The following CRACR2A variants were observed in gnomAD, a reference collection of about 807,000 sequenced individuals.
CRACR2A encodes the protein EF-hand calcium-binding domain-containing protein 4B.
A neutral mutation model predicts 90.5 loss-of-function variants in CRACR2A; 79 were observed. The ratio of observed to expected loss-of-function variants is 0.87; its 90% CI spans 0.73 to 1.05. The LOEUF is 1.05. Ranked by LOEUF, CRACR2A falls within the 50% of genes least tolerant of loss-of-function variation. The pLI, the probability that CRACR2A is intolerant of heterozygous loss-of-function variation, is 0.00. For missense variants in CRACR2A, 823 were observed against 897.2 expected, an observed-to-expected ratio of 0.92 and a Z score of 1.06; for synonymous variants, 338 against 356.7, an observed-to-expected ratio of 0.95 and a Z score of 0.59.
intron 10 of CRACR2A, 96 bp from the exon 11 acceptor site, chr12:3,648,709 G>A: frequency 8.7e-6 from 13 of 1,499,186 alleles, no homozygotes; most frequent in Non-Finnish European, 1.2e-5. Context: ...GCCGTGCTGG[G>A]GATGGAGGGC....
chr12:3,641,981 C>T (rs1042577095), intron 12 of CRACR2A, 143 bp from the exon 13 acceptor site: 15 of 678,764 alleles, frequency 2.2e-5, no homozygotes, highest in Admixed American at 1.9e-4. Context: ...TCCCTGTTAG[C>T]GTCTAGCCAC....
intron 15 of CRACR2A, among the ~76,000 whole-genome samples, chr12:3,630,747 G>A (rs1465437437): frequency 1.3e-5 from 2 of 152,346 alleles, no homozygotes; most frequent in African/African-American, 2.4e-5. Flanking sequence ...CAGGATGCCC[G>A]CAGGGCTCAA....
intron 2 of CRACR2A, among the ~76,000 whole-genome samples, chr12:3,723,900 G>C (rs7296466): frequency 3.0e-3 from 462 of 152,276 alleles, no homozygotes; most frequent in African/African-American, 9.9e-3. Flanking sequence ...ATAGAAGGAA[G>C]AGATCTCCTT....
intron 15 of CRACR2A, among the ~76,000 whole-genome samples, chr12:3,628,086 CCTCCCTCTCTCCTTCCCT>C (rs1457409115): frequency 8.3e-6 from 1 of 121,168 alleles, no homozygotes; most frequent in Non-Finnish European, 1.8e-5. Flanking sequence ...TCTCTCCTTC[CCTCCCTCTCTCCTTCCCT>C]CTCTCTTTCC....
At chr12:3,687,785 TG>T (rs1180601802) in intron 4 of CRACR2A, among the ~76,000 whole-genome samples, 1 of 152,242 alleles carries the variant, frequency 6.6e-6, no homozygotes, top group African/African-American at 2.4e-5. Flanking sequence ...CCACAATGGT[TG>T]AACGAATTTA....
chr12:3,629,856 G>A (rs1013674563), intron 15 of CRACR2A, among the ~76,000 whole-genome samples: 11 of 150,688 alleles, frequency 7.3e-5, no homozygotes, highest in East Asian at 4.0e-4. Flanking sequence ...CAAGGGGGGG[G>A]GGGGATGAAG....
At chr12:3,674,954 C>T (rs2137585961) in intron 6 of CRACR2A, among the ~76,000 whole-genome samples, 1 of 152,304 alleles carries the variant, frequency 6.6e-6, no homozygotes, top group Non-Finnish European at 1.5e-5. Flanking sequence ...CTCTGTTAAA[C>T]TTTGAGACTT....
chr12:3,752,387 GAC>G (rs571320253), intron 1 of CRACR2A: 20 of 104,456 alleles, frequency 1.9e-4, no homozygotes, highest in Non-Finnish European at 3.8e-4. Flanking sequence ...CACACACACG[GAC>G]ACACACACAC....
chr12:3,629,368 A>G (rs1442483146), intron 15 of CRACR2A, among the ~76,000 whole-genome samples: 1 of 152,146 alleles, frequency 6.6e-6, no homozygotes, highest in Non-Finnish European at 1.5e-5. Flanking sequence ...AACAGATTAC[A>G]GTGGCTGGGA....
chr12:3,653,189 G>T (rs1056433402), intron 10 of CRACR2A, among the ~76,000 whole-genome samples: 1 of 152,074 alleles, frequency 6.6e-6, no homozygotes, highest in Non-Finnish European at 1.5e-5. Context: ...CACCGTGTTG[G>T]TCAGGCTGGT....
chr12:3,655,752 G>T (rs1437377297), intron 9 of CRACR2A, among the ~76,000 whole-genome samples: 1 of 152,206 alleles, frequency 6.6e-6, no homozygotes, highest in Non-Finnish European at 1.5e-5. Flanking sequence ...GGAGGCTCGG[G>T]TACATCAGAG....
chr12:3,651,857 G>A (rs1474732863), intron 10 of CRACR2A, among the ~76,000 whole-genome samples: 1 of 152,154 alleles, frequency 6.6e-6, no homozygotes, highest in Admixed American at 6.5e-5. Context: ...TGTATGAAAT[G>A]AAGGAAGTGA....
intron 7 of CRACR2A, among the ~76,000 whole-genome samples, chr12:3,666,360 CGT>C (rs34013782): frequency 1.7e-4 from 14 of 81,138 alleles, no homozygotes; most frequent in African/African-American, 9.6e-4. Context: ...TGTGTGCGTG[CGT>C]GTGCGCGTGC....
rs1044717198 is a variant in CRACR2A, at chr12:3,638,418, T to A, written c.1308A>T (p.Pro436=). 1 of 1,547,592 alleles carries A rather than the reference T, an allele frequency of 6.5e-7. No homozygotes were observed. Among genetic ancestry groups the A allele is most frequent in the Non-Finnish European group, 8.7e-7 (1 of 1,143,876 alleles). The stretch of plus-strand genomic sequence containing the variant: ...CACTCAGGCCCAGGGAGCTTCTCCT[T>A]GGGATGCCAAACACCTCCTCCTCCT... ...SEEEEEVFGI[P]RRSSLGLSGY... Residue 436 remains proline, a synonymous_variant, in exon 14 of 20, where the codon CCA becomes CCT. Transcript: ENST00000440314.
chr12:3,642,812 G>C (rs961574355), intron 12 of CRACR2A, among the ~76,000 whole-genome samples: 1 of 152,176 alleles, frequency 6.6e-6, no homozygotes, highest in South Asian at 2.1e-4. Flanking sequence ...TGTCTTCCAG[G>C]AGATGAGGCG....
intron 5 of CRACR2A, among the ~76,000 whole-genome samples, chr12:3,679,626 A>G (rs1052054129): frequency 3.3e-5 from 5 of 152,242 alleles, no homozygotes; most frequent in African/African-American, 1.2e-4. Context: ...AAGGTCAGGA[A>G]AGGCATCAGA....
intron 3 of CRACR2A, among the ~76,000 whole-genome samples, chr12:3,705,095 C>A (rs2137741871): frequency 6.6e-6 from 1 of 152,282 alleles, no homozygotes; most frequent in East Asian, 1.9e-4. Flanking sequence ...GCCATTAGAC[C>A]AACAGACAGT....
intron 3 of CRACR2A, among the ~76,000 whole-genome samples, chr12:3,712,164 G>A (rs1275587500): frequency 6.6e-6 from 1 of 151,960 alleles, no homozygotes; most frequent in Admixed American, 6.6e-5. Context: ...AAAGGTTCAG[G>A]CATCAAAAAT....
At chr12:3,651,366 G>A (rs983033851) in intron 10 of CRACR2A, among the ~76,000 whole-genome samples, 5 of 152,244 alleles carry the variant, frequency 3.3e-5, no homozygotes, top group Admixed American at 3.3e-4. Flanking sequence ...AGAAACCATG[G>A]CCAGTGGATC....
Sources: allele counts gnomAD v4.1 joint callset (sites outside exome capture counted in the v4.1 genomes callset), GRCh38; gene constraint gnomAD v4.1.1; transcripts MANE v1.5; gene names NCBI Gene and HGNC (gene_info 2026-07-23, HGNC 2026-07-21).